COL26A1: variants seen among roughly 807,000 people sequenced by gnomAD.
The protein encoded by COL26A1 is collagen alpha-1(XXVI) chain.
In COL26A1, 41 loss-of-function variants were observed where a neutral mutation model predicts 59.3. That is an observed-to-expected ratio of 0.69 (90% CI 0.54 to 0.90). The LOEUF is 0.90. Among genes scored for constraint, COL26A1 ranks in the 40% least tolerant of loss-of-function variants. COL26A1 has a pLI of 0.00. For missense variants in COL26A1, 612 were observed against 602.3 expected, an observed-to-expected ratio of 1.02 and a Z score of -0.17; for synonymous variants, 266 against 256.0, an observed-to-expected ratio of 1.04 and a Z score of -0.37.
intron 8 of COL26A1, among the ~76,000 whole-genome samples, chr7:101,548,757 T>A (rs898595250): frequency 5.3e-5 from 8 of 151,856 alleles, no homozygotes; most frequent in Non-Finnish European, 7.4e-5. Context: ...TTGGGGGCCA[T>A]AGGAAGGGTC....
chr7:101,531,629 G>A (rs570532807), intron 3 of COL26A1, among the ~76,000 whole-genome samples: 3 of 152,286 alleles, frequency 2.0e-5, no homozygotes, highest in South Asian at 2.1e-4. Flanking sequence ...GAGGAGCAGC[G>A]AGTAGGGTGT....
chr7:101,499,595 A>T (rs1794657827), intron 3 of COL26A1, among the ~76,000 whole-genome samples: 2 of 151,744 alleles, frequency 1.3e-5, no homozygotes, highest in Admixed American at 1.3e-4. Flanking sequence ...GAGGCAGGAG[A>T]ATCACTTGAA....
intron 1 of COL26A1, among the ~76,000 whole-genome samples, chr7:101,375,389 TGG>T (rs1405372109): frequency 1.3e-5 from 2 of 151,960 alleles, no homozygotes; most frequent in African/African-American, 4.8e-5. Context: ...GGGAAGATGA[TGG>T]ATTTCACAAA....
At chr7:101,481,359 C>T (rs993607841) in intron 3 of COL26A1, among the ~76,000 whole-genome samples, 2 of 150,602 alleles carry the variant, frequency 1.3e-5, no homozygotes, top group African/African-American at 4.9e-5. Context: ...TCTCTTTATT[C>T]TTGTAAGCAC....
intron 1 of COL26A1, among the ~76,000 whole-genome samples, chr7:101,417,948 C>G (rs1227650811): frequency 6.6e-6 from 1 of 152,004 alleles, no homozygotes; most frequent in African/African-American, 2.4e-5. Context: ...TGGTCTCGAA[C>G]TCCTGACCTC....
At position 101,389,754 on chromosome 7, in the gene COL26A1, T is replaced by C. The variant is rs371628839; in HGVS notation, c.158+26564T>C. Among the ~76,000 whole-genome samples the C allele has an allele frequency of 3.9e-5, 6 of 152,206 alleles. No individual in the cohort carries two copies. In the South Asian group the frequency reaches 6.2e-4, roughly 16 times the overall value. On this transcript the variant is annotated intron_variant, in intron 1 of 12. Transcript: ENST00000313669. The stretch of plus-strand genomic sequence containing the variant: ...TTTTAGTAGAGACGAGGTTTCTCCA[T>C]GTTGGGCAGGCTGGTCTCGAACTCC...
At chr7:101,384,235 T>TG (rs1293004005) in intron 1 of COL26A1, among the ~76,000 whole-genome samples, 28 of 145,978 alleles carry the variant, frequency 1.9e-4, no homozygotes, top group African/African-American at 6.8e-4. Flanking sequence ...GGCTGGTTTT[T>TG]TTTTTTTTTT....
At chr7:101,490,007 G>C (rs1440598007) in intron 3 of COL26A1, among the ~76,000 whole-genome samples, 2 of 149,004 alleles carry the variant, frequency 1.3e-5, no homozygotes, top group Non-Finnish European at 3.0e-5. Context: ...CCCGATCTCG[G>C]CTCACTGCAA....
intron 2 of COL26A1, among the ~76,000 whole-genome samples, chr7:101,428,967 C>G (rs1189040294): frequency 6.7e-6 from 1 of 149,910 alleles, no homozygotes; most frequent in Non-Finnish European, 1.5e-5. Flanking sequence ...ACTCTGTTGC[C>G]AGGCTGGAGT....
In COL26A1 at chr7:101,539,965, C is replaced by T; in HGVS notation, c.520C>T (p.Pro174Ser). The T allele has an allele frequency of 1.9e-6, 3 of 1,613,676 alleles. No individual in the cohort carries two copies. The highest frequency in any genetic ancestry group is 8.5e-7 in the Non-Finnish European group (1 of 1,179,840). The change falls in exon 5 of 13, where the codon CCG (proline) becomes TCG (serine). Residue 174 changes from proline to serine, a missense_variant. By Grantham distance (74) the Pro-to-Ser change is moderately conservative. Transcript: ENST00000313669. Reference sequence around the variant, plus strand: ...CCTGCCAGCCCCCGAGAGCACTCCGCCGACCTGGAATGAGGACTTCCTCCC... The same window carrying T: ...CCTGCCAGCCCCCGAGAGCACTCCGTCGACCTGGAATGAGGACTTCCTCCC... ...NDLPAPESTP[P>S]TWNEDFLPDA...
chr7:101,387,062 G>A (rs1047512311), intron 1 of COL26A1, among the ~76,000 whole-genome samples: 1 of 152,150 alleles, frequency 6.6e-6, no homozygotes, highest in African/African-American at 2.4e-5. Flanking sequence ...CGGGTGGGTA[G>A]CTTGCAGGAT....
intron 3 of COL26A1, among the ~76,000 whole-genome samples, chr7:101,453,889 A>G (rs980121627): frequency 6.6e-5 from 10 of 152,142 alleles, no homozygotes; most frequent in Non-Finnish European, 1.3e-4. Flanking sequence ...TCTGGAAACA[A>G]GCAGGTCCAT....
chr7:101,439,327 GAA>G (rs1792990917), intron 2 of COL26A1, among the ~76,000 whole-genome samples: 1 of 68 alleles, frequency 0.015, no homozygotes. Context: ...GAGAGAGACA[GAA>G]AGAGAGAGAG....
chr7:101,458,941 A>G (rs1478660428), intron 3 of COL26A1, among the ~76,000 whole-genome samples: 1 of 151,868 alleles, frequency 6.6e-6, no homozygotes, highest in East Asian at 1.9e-4. Flanking sequence ...AGCTGGGACT[A>G]CAGATGCGTG....
intron 4 of COL26A1, among the ~76,000 whole-genome samples, 153 bp from the exon 5 acceptor site, chr7:101,539,740 G>A (rs1470401457): frequency 6.6e-6 from 1 of 152,162 alleles, no homozygotes; most frequent in Non-Finnish European, 1.5e-5. Context: ...CCTGGGCCAC[G>A]AGTGAGGTTC....
At chr7:101,547,350 G>A in intron 8 of COL26A1, 111 bp downstream of exon 8, 1 of 654,182 alleles carries the variant, frequency 1.5e-6, no homozygotes, top group Non-Finnish European at 2.6e-6. Flanking sequence ...ATGGCTTCTG[G>A]GCAATGCTGG....
At chr7:101,386,164 A>T (rs1443949686) in intron 1 of COL26A1, among the ~76,000 whole-genome samples, 1 of 150,642 alleles carries the variant, frequency 6.6e-6, no homozygotes, top group Non-Finnish European at 1.5e-5. Context: ...TAGAGAGGGG[A>T]TGATGCTGCA....
intron 2 of COL26A1, among the ~76,000 whole-genome samples, chr7:101,433,800 G>A (rs1477811494): frequency 1.3e-5 from 2 of 152,084 alleles, no homozygotes; most frequent in Non-Finnish European, 2.9e-5. Context: ...GGGATCCACA[G>A]AACACTGAAA....
chr7:101,553,227 G>C, intron 10 of COL26A1, 99 bp from the exon 11 acceptor site: 2 of 1,102,650 alleles, frequency 1.8e-6, no homozygotes, highest in Non-Finnish European at 2.7e-6. Flanking sequence ...TGCCTGCCCA[G>C]CCTGCCCCTG....
Sources: gnomAD v4.1 joint callset for allele counts (sites outside exome capture counted in the v4.1 genomes callset) on GRCh38, gnomAD v4.1.1 for gene constraint, MANE v1.5 for transcripts, NCBI Gene and HGNC (gene_info 2026-07-23, HGNC 2026-07-21) for gene names.